The following LRRC75A variants were observed in gnomAD, a reference collection of about 807,000 sequenced individuals.
LRRC75A encodes leucine-rich repeat-containing protein 75A.
LRRC75A carries 12 observed loss-of-function variants against 26.0 expected under a neutral mutation model. That is an observed-to-expected ratio of 0.46 (90% confidence interval 0.30 to 0.75). LRRC75A has a LOEUF of 0.75. LRRC75A is among the 30% of genes least tolerant of loss of function. The pLI is 0.08. For synonymous variants in LRRC75A, 223 were observed against 219.3 expected (o/e 1.02, Z -0.15); for missense variants, 410 against 486.6 (o/e 0.84, Z 1.48).
intron 1 of LRRC75A, among the ~76,000 whole-genome samples, chr17:16,469,349 G>A (rs1347188882): frequency 6.6e-6 from 1 of 152,072 alleles, no homozygotes; most frequent in African/African-American, 2.4e-5. Flanking sequence ...TCTTTGGGTG[G>A]CCTTTTGTTC....
In LRRC75A at chr17:16,462,259, G is replaced by A. The variant is rs753337219; in HGVS notation, c.374C>T (p.Pro125Leu). Residue 125 changes from proline (P) to leucine (L), a missense_variant and splice_region_variant, in exon 2 of 4, where the codon CCG becomes CTG. Coordinates refer to ENST00000470794, the MANE Select transcript of LRRC75A (RefSeq NM_001113567.3). The surrounding 1 kb of genome is among the most constrained non-coding windows in gnomAD (Gnocchi z 4.6). ...TGGCTCGGACCACAGCCACCCTACC[G>A]GCTTGGGACAGTGGATGTAGCGTGC... ...SLARYIHCPK[P>L]EGDALGAMEK... The A allele has an allele frequency of 3.5e-5, 56 of 1,613,942 alleles. No individual in the cohort carries two copies. Among genetic ancestry groups the A allele is most frequent in the Non-Finnish European group, 4.1e-5 (48 of 1,180,006 alleles).
At chr17:16,485,064 G>A (rs1308383649) in intron 1 of LRRC75A, among the ~76,000 whole-genome samples, 8 of 151,962 alleles carry the variant, frequency 5.3e-5, no homozygotes, top group South Asian at 2.1e-4. Context: ...CATAGGAGGG[G>A]GTCCCCGCCC....
intron 1 of LRRC75A, among the ~76,000 whole-genome samples, chr17:16,473,961 C>G (rs143316566): frequency 1.3e-5 from 2 of 152,344 alleles, no homozygotes; most frequent in East Asian, 3.9e-4. Context: ...ATGACACCCT[C>G]TGTGTGAAAC....
intron 1 of LRRC75A, among the ~76,000 whole-genome samples, chr17:16,466,153 TC>T (rs1248878168): frequency 2.0e-5 from 3 of 152,018 alleles, no homozygotes; most frequent in African/African-American, 4.8e-5. Flanking sequence ...GTCCTCTCCA[TC>T]CCCCCTCCCC....
intron 2 of LRRC75A, among the ~76,000 whole-genome samples, chr17:16,451,436 C>T (rs993156852): frequency 2.6e-5 from 4 of 152,010 alleles, no homozygotes; most frequent in African/African-American, 9.7e-5. Flanking sequence ...GCCTGGCCAA[C>T]ATGGCAAAAC....
rs1217304023 is a variant in LRRC75A, at chr17:16,491,886, C to T, written c.105G>A (p.Leu35=). 2.2e-6 allele frequency: 3 copies of T among 1,342,816 alleles called. No homozygotes were observed. Among genetic ancestry groups the T allele is most frequent in the Middle Eastern group, 2.6e-4 (1 of 3,822 alleles). The allele number at this position is 1,342,816 out of a possible 1,614,324, so 83.2% of individuals were successfully genotyped here. ...ERPDFWASLL[L]RAGDKAGRAG... ...CGCGCCCCGCCTTGTCCCCGGCGCGCAGCAGCAGCGACGCCCAGAAGTCCG... is the reference window on the plus strand; with the variant it reads ...CGCGCCCCGCCTTGTCCCCGGCGCGTAGCAGCAGCGACGCCCAGAAGTCCG... The change falls in exon 1 of 4, where the codon CTG becomes CTA. Residue 35 remains leucine, a synonymous_variant. Transcript: ENST00000470794. The surrounding 1 kb of genome is among the most constrained non-coding windows in gnomAD (Gnocchi z 5.9).
intron 1 of LRRC75A, among the ~76,000 whole-genome samples, chr17:16,472,331 GA>G (rs917423630): frequency 1.5e-4 from 22 of 150,710 alleles, no homozygotes; most frequent in African/African-American, 4.6e-4. Flanking sequence ...AAAGAACGCA[GA>G]AAAAAAAAGC....
intron 1 of LRRC75A, among the ~76,000 whole-genome samples, chr17:16,468,698 A>G (rs2093787942): frequency 6.6e-6 from 1 of 152,244 alleles, no homozygotes. Flanking sequence ...TGGTTGAGAT[A>G]GTAAATTTTA....
intron 1 of LRRC75A, among the ~76,000 whole-genome samples, chr17:16,479,168 C>A (rs1267734422): frequency 6.6e-6 from 1 of 152,210 alleles, no homozygotes; most frequent in Admixed American, 6.5e-5. Flanking sequence ...CTGTCTGATC[C>A]TCTTTGAGAG....
intron 1 of LRRC75A, chr17:16,478,422 G>A (rs2093826166): frequency 6.6e-6 from 1 of 152,154 alleles, no homozygotes; most frequent in Non-Finnish European, 1.5e-5. Flanking sequence ...CTGACTACAG[G>A]TGATCTGCCT....
In LRRC75A at chr17:16,466,903, T is replaced by C. The variant is rs559292253; in HGVS notation, c.247-4517A>G. ...CTTTGGGGAAGCACCCTTAAGACCATTTTAGGGGTGCTGTGGGGACCTCTT... is the reference window on the plus strand; with the variant it reads ...CTTTGGGGAAGCACCCTTAAGACCACTTTAGGGGTGCTGTGGGGACCTCTT... On this transcript the variant is annotated intron_variant, in intron 1 of 3. Coordinates refer to ENST00000470794, the MANE Select transcript of LRRC75A (RefSeq NM_001113567.3). 8.4e-4 allele frequency among the ~76,000 whole-genome samples: 128 copies of C among 152,274 alleles called. 1 individual carries two copies. The highest frequency in any genetic ancestry group is 1.5e-3 in the Non-Finnish European group (101 of 68,014).
chr17:16,454,730 TAACA>T (rs746971054), intron 2 of LRRC75A, among the ~76,000 whole-genome samples: 3 of 151,836 alleles, frequency 2.0e-5, no homozygotes, highest in Admixed American at 1.3e-4. Flanking sequence ...AAACAAATTC[TAACA>T]AACAAAAAAC....
intron 1 of LRRC75A, among the ~76,000 whole-genome samples, chr17:16,476,163 C>G (rs1657240273): frequency 1.3e-5 from 2 of 151,910 alleles, no homozygotes; most frequent in Admixed American, 1.3e-4. Flanking sequence ...CCACTGCACT[C>G]CAGCCTGGGC....
intron 1 of LRRC75A, among the ~76,000 whole-genome samples, chr17:16,473,663 C>G (rs1209301655): frequency 4.6e-5 from 7 of 152,184 alleles, no homozygotes; most frequent in Middle Eastern, 3.2e-3. Flanking sequence ...CCAGACTTGC[C>G]CAGCCTGTCT....
chr17:16,453,812 C>A (rs1348577470), intron 2 of LRRC75A, among the ~76,000 whole-genome samples: 1 of 152,112 alleles, frequency 6.6e-6, no homozygotes, highest in Non-Finnish European at 1.5e-5. Context: ...CCCTTCTTCT[C>A]CCCCAGAGTG....
At chr17:16,467,470 CTG>C (rs1270053235) in intron 1 of LRRC75A, among the ~76,000 whole-genome samples, 2 of 152,224 alleles carry the variant, frequency 1.3e-5, no homozygotes, top group African/African-American at 4.8e-5. Context: ...CACCTTCACT[CTG>C]TATTCCTGTG....
chr17:16,443,713 C>G lies in LRRC75A; in HGVS notation c.910G>C (p.Gly304Arg). 6.2e-7 allele frequency: 1 copy of G among 1,613,278 alleles called. No individual in the cohort carries two copies. The highest frequency in any genetic ancestry group is 8.5e-7 in the Non-Finnish European group (1 of 1,179,632). ...CGGACCTCCTCCCCACTGCCTGGGCCCTCACCCAGCTCCAGGATGGTGGGT... is the reference window on the plus strand; with the variant it reads ...CGGACCTCCTCCCCACTGCCTGGGCGCTCACCCAGCTCCAGGATGGTGGGT... ...HLPTILELGE[G>R]PGSGEEVREG... Residue 304 changes from glycine (G) to arginine (R), a missense_variant, in exon 4 of 4, where the codon GGC (glycine) becomes CGC (arginine). By Grantham distance (125) the Gly-to-Arg change is moderately radical (BLOSUM62 -2). Transcript: ENST00000470794.
Position 16,491,729 on chromosome 17 carries a change from C to A in LRRC75A, c.246+16G>T. 2 of 1,334,470 alleles carry A rather than the reference C, an allele frequency of 1.5e-6. No individual in the cohort carries two copies. Among genetic ancestry groups the A allele is most frequent in the Non-Finnish European group, 1.9e-6 (2 of 1,047,132 alleles). The allele number at this position is 1,334,470 out of a possible 1,614,324, so 82.7% of individuals were successfully genotyped here. A position where few individuals can be genotyped will look rare whatever the true frequency, so the allele number is the denominator to read the frequency against. On this transcript the variant is annotated intron_variant, in intron 1 of 3. Transcript: ENST00000470794. This position sits in a 1 kb window ranked among gnomAD's most constrained non-coding sequence, Gnocchi z 5.9. ...CCTGGCCCGGCGCGCCCCCCGCGCC[C>A]CCTCCCCGCGCTCACCTGGCGCAGG...
chr17:16,443,915 T>C lies in LRRC75A; in HGVS notation c.708A>G (p.Ala236=). ...CCCGGGTCAACCGGTTGCCATTGAG[T>C]GCCAGTGTGGTGAGGCGGGGCAGGG... ...LSTLPRLTTL[A]LNGNRLTRAV... Residue 236 remains alanine, a synonymous_variant, in exon 4 of 4, where the codon GCA becomes GCG. Coordinates refer to ENST00000470794, the MANE Select transcript of LRRC75A (RefSeq NM_001113567.3). 1 of 1,613,618 alleles carries C rather than the reference T, an allele frequency of 6.2e-7. No homozygotes were observed. Among genetic ancestry groups the C allele is most frequent in the Non-Finnish European group, 8.5e-7 (1 of 1,179,720 alleles).
Sources: gnomAD v4.1 joint callset for allele counts (sites outside exome capture counted in the v4.1 genomes callset) on GRCh38, gnomAD v4.1.1 for gene constraint, Gnocchi (gnomAD v3.1) non-coding constraint, MANE v1.5 for transcripts, NCBI Gene and HGNC (gene_info 2026-07-23, HGNC 2026-07-21) for gene names.